The following DIS3L2 variants were observed in gnomAD, a reference collection of about 807,000 sequenced individuals.
DIS3L2 encodes the protein DIS3 like 3'-5' exoribonuclease 2.
In DIS3L2, 34 loss-of-function variants were observed where a neutral mutation model predicts 97.5. The observed-to-expected ratio is 0.35, with a 90% CI of 0.27 to 0.46. DIS3L2 has a LOEUF of 0.46. DIS3L2 is among the 20% of genes least tolerant of loss of function. The pLI, the probability that DIS3L2 is intolerant of heterozygous loss-of-function variation, is 1.00. For missense variants in DIS3L2, 1,038 were observed against 1,146.0 expected (o/e 0.91, Z 1.36); for synonymous variants, 435 against 445.2 (o/e 0.98, Z 0.29).
chr2:232,287,315 A>C (rs1372605245), intron 13 of DIS3L2, among the ~76,000 whole-genome samples: 2 of 145,960 alleles, frequency 1.4e-5, no homozygotes, highest in Non-Finnish European at 3.0e-5. Flanking sequence ...TACCAAAGCT[A>C]ATTTTTCATA....
intron 10 of DIS3L2, among the ~76,000 whole-genome samples, chr2:232,212,672 A>G (rs12466045): frequency 0.11 from 16,705 of 152,260 alleles, 1,119 homozygotes; most frequent in African/African-American, 0.19. Flanking sequence ...GCAAGAGAGC[A>G]TTCAAAAAGA....
At chr2:232,186,199 GAC>G (rs1431209424) in intron 9 of DIS3L2, among the ~76,000 whole-genome samples, 3 of 152,138 alleles carry the variant, frequency 2.0e-5, no homozygotes, top group African/African-American at 7.2e-5. Context: ...ATAAACGGAA[GAC>G]ACACATCACA....
chr2:231,967,459 A>G (rs182850057), intron 1 of DIS3L2, among the ~76,000 whole-genome samples: 67 of 152,282 alleles, frequency 4.4e-4, no homozygotes, highest in South Asian at 1.7e-3. Flanking sequence ...CACATGGGAA[A>G]TAGTTGCCTT....
intron 13 of DIS3L2, among the ~76,000 whole-genome samples, chr2:232,297,351 C>T (rs1226294718): frequency 6.6e-6 from 1 of 152,176 alleles, no homozygotes; most frequent in Non-Finnish European, 1.5e-5. Flanking sequence ...GTGGCTAAGT[C>T]CTCTCTGACC....
At position 232,293,273 on chromosome 2, in the gene DIS3L2, C is replaced by G. The variant is rs1419006516; in HGVS notation, c.1660-6767C>G. ...TGGCAATTACTGAGCAGGAGGCAGA[C>G]GTGAGGCAGAATTTATTTACTGAAG... is the stretch of plus-strand genomic sequence containing the variant. On this transcript the variant is annotated intron_variant, in intron 13 of 20. Coordinates refer to ENST00000325385, the MANE Select transcript of DIS3L2 (RefSeq NM_152383.5). The surrounding 1 kb of genome is among the most constrained non-coding windows in gnomAD (Gnocchi z 4.6). 6.6e-6 allele frequency among the ~76,000 whole-genome samples: 1 copy of G among 152,040 alleles called. No homozygotes were observed. The highest frequency in any genetic ancestry group is 6.6e-5 in the Admixed American group (1 of 15,262).
At position 232,063,495 on chromosome 2, in the gene DIS3L2, C is replaced by T. The variant is rs1421121313; in HGVS notation, c.367-23992C>T. ...TAGTGGATTTTTTGTTTTTTTTGTG[C>T]CTCTTCAGAAGCTTCCAGCTGCAGT... On this transcript the variant is annotated intron_variant, in intron 5 of 20. Transcript: ENST00000325385. 1.3e-5 allele frequency among the ~76,000 whole-genome samples: 2 copies of T among 151,866 alleles called. 1 individual carries two copies. Among genetic ancestry groups the T allele is most frequent in the Non-Finnish European group, 2.9e-5 (2 of 67,972 alleles).
In DIS3L2 at chr2:232,086,647, A is replaced by G. The variant is rs113226060; in HGVS notation, c.367-840A>G. ...TATATATACACATATATATATATGT[A>G]TATATATATATATGTGTGTGTGTGT... On this transcript the variant is annotated intron_variant, in intron 5 of 20. Transcript: ENST00000325385. 3.4e-3 allele frequency among the ~76,000 whole-genome samples: 133 copies of G among 38,596 alleles called. 2 individuals carry two copies. The highest frequency in any genetic ancestry group is 0.017 in the Middle Eastern group (2 of 116). 25.3% of individuals were successfully genotyped at this position (38,596 alleles called of 152,430 possible).
Position 232,293,938 on chromosome 2 carries a change from T to C in DIS3L2, c.1660-6102T>C, listed in dbSNP as rs568662813. Reference sequence around the variant, plus strand: ...TGTGTCAGTGTCCTTAGGAGAAGCATGAGCACAAATTACACAAGGGCAGTA... The same window carrying C: ...TGTGTCAGTGTCCTTAGGAGAAGCACGAGCACAAATTACACAAGGGCAGTA... On this transcript the variant is annotated intron_variant, in intron 13 of 20. Transcript: ENST00000325385. The surrounding 1 kb of genome is among the most constrained non-coding windows in gnomAD (Gnocchi z 4.6). Among the ~76,000 whole-genome samples, 4 of 152,294 alleles carry C rather than the reference T, an allele frequency of 2.6e-5. No homozygotes were observed. In the East Asian group the frequency reaches 7.7e-4, roughly 29 times the overall value.
chr2:232,338,300 C>G (rs1188208379), downstream of DIS3L2, among the ~76,000 whole-genome samples: 2 of 152,166 alleles, frequency 1.3e-5, no homozygotes, highest in Non-Finnish European at 1.5e-5. Context: ...ACAGGCAGCA[C>G]AGACCCGGAC....
chr2:232,300,222 G>C, intron 14 of DIS3L2, 103 bp downstream of exon 14: 2 of 1,083,278 alleles, frequency 1.8e-6, no homozygotes, highest in Non-Finnish European at 2.8e-6. Context: ...TTGTCAGGAA[G>C]GGAATACACC....
At chr2:232,275,798 TCA>T (rs1443078302) in intron 13 of DIS3L2, among the ~76,000 whole-genome samples, 1 of 152,166 alleles carries the variant, frequency 6.6e-6, no homozygotes, top group African/African-American at 2.4e-5. Flanking sequence ...GTCACAGCAC[TCA>T]GAGTGGCTTA....
chr2:232,255,361 A>G (rs1325685591), intron 12 of DIS3L2, among the ~76,000 whole-genome samples: 2 of 152,232 alleles, frequency 1.3e-5, no homozygotes, highest in Non-Finnish European at 1.5e-5. Flanking sequence ...CGTAGCCACC[A>G]GTCTCACCTG....
chr2:232,132,109 C>T (rs1247325439), intron 7 of DIS3L2, among the ~76,000 whole-genome samples: 1 of 152,068 alleles, frequency 6.6e-6, no homozygotes, highest in African/African-American at 2.4e-5. Flanking sequence ...AGCCCTGGAA[C>T]CTGTGTTCTT....
intron 9 of DIS3L2, chr2:232,172,770 A>G: frequency 3.7e-6 from 2 of 534,410 alleles, no homozygotes; most frequent in South Asian, 1.4e-5. Context: ...CAGTTGCTCC[A>G]TATCCTAACA....
intron 6 of DIS3L2, among the ~76,000 whole-genome samples, chr2:232,090,098 T>G (rs1696791742): frequency 6.6e-6 from 1 of 151,858 alleles, no homozygotes; most frequent in Admixed American, 6.6e-5. Context: ...CCAGATAATT[T>G]TTGTTGTTGT....
intron 9 of DIS3L2, among the ~76,000 whole-genome samples, chr2:232,193,015 T>C (rs1691658317): frequency 6.6e-6 from 1 of 152,180 alleles, no homozygotes; most frequent in East Asian, 1.9e-4. Flanking sequence ...TCCTCCTTAG[T>C]GGGATGGCTG....
chr2:232,318,576 G>C (rs1695340174), intron 14 of DIS3L2, among the ~76,000 whole-genome samples: 2 of 152,324 alleles, frequency 1.3e-5, no homozygotes, highest in South Asian at 4.1e-4. Flanking sequence ...AAGGATGCAG[G>C]GAGTGGCTCT....
intron 1 of DIS3L2, among the ~76,000 whole-genome samples, chr2:232,006,187 G>GAAAAAAGA (rs979014922): frequency 2.6e-5 from 4 of 151,614 alleles, no homozygotes; most frequent in African/African-American, 9.7e-5. Flanking sequence ...ACTCTGCCTT[G>GAAAAAAGA]AAAAAAGAAA....
intron 9 of DIS3L2, among the ~76,000 whole-genome samples, chr2:232,171,668 A>G (rs574860863): frequency 6.6e-6 from 1 of 152,320 alleles, no homozygotes; most frequent in East Asian, 1.9e-4. Flanking sequence ...GGAAGCTGTC[A>G]TTGTCATTTG....
Sources: gnomAD v4.1 joint callset for allele counts (sites outside exome capture counted in the v4.1 genomes callset) on GRCh38, gnomAD v4.1.1 for gene constraint, Gnocchi (gnomAD v3.1) non-coding constraint, MANE v1.5 for transcripts, NCBI Gene and HGNC (gene_info 2026-07-23, HGNC 2026-07-21) for gene names.